Variants in RHOBTB1 observed in about 807,000 individuals in gnomAD.
RHOBTB1 encodes the protein Rho related BTB domain containing 1.
In RHOBTB1, 40 loss-of-function variants were observed where a neutral mutation model predicts 71.6. The observed-to-expected ratio is 0.56, with a 90% CI of 0.43 to 0.73. RHOBTB1 has a LOEUF of 0.73. Among genes scored for constraint, RHOBTB1 ranks in the 30% least tolerant of loss-of-function variants. The pLI is 0.00. For missense variants in RHOBTB1, 797 were observed against 894.0 expected, an observed-to-expected ratio of 0.89 and a Z score of 1.38; for synonymous variants, 319 against 334.9, an observed-to-expected ratio of 0.95 and a Z score of 0.52.
At chr10:60,864,620 C>G (rs1589128934), downstream of RHOBTB1, among the ~76,000 whole-genome samples, 1 of 151,390 alleles carries the variant, frequency 6.6e-6, no homozygotes, top group Admixed American at 6.6e-5. Context: ...CTTTTTTTTT[C>G]TTTTTTGGAT....
At chr10:60,944,228 C>G (rs1487377283), upstream of RHOBTB1, 1 of 152,144 alleles carries the variant, frequency 6.6e-6, no homozygotes, top group Non-Finnish European at 1.5e-5. Context: ...GCAGCCCTCC[C>G]CTTCGCCTGC....
chr10:60,894,592 G>T (rs1409390251), intron 4 of RHOBTB1, among the ~76,000 whole-genome samples: 14 of 152,048 alleles, frequency 9.2e-5, no homozygotes, highest in Non-Finnish European at 1.5e-5. Flanking sequence ...CATTTTTTAT[G>T]GGCTGAGTTT....
chr10:60,955,818 T>C (rs2085572286), intron 2 of RHOBTB1, among the ~76,000 whole-genome samples: 1 of 152,214 alleles, frequency 6.6e-6, no homozygotes, highest in South Asian at 2.1e-4. Context: ...AACATATCAC[T>C]ATCTTGAAAA....
upstream of RHOBTB1, among the ~76,000 whole-genome samples, chr10:60,946,489 G>A (rs2085241662): frequency 6.6e-6 from 1 of 152,160 alleles, no homozygotes; most frequent in Admixed American, 6.5e-5. Flanking sequence ...AACAACTGAT[G>A]AGGCAGATGC....
upstream of RHOBTB1, among the ~76,000 whole-genome samples, chr10:60,946,839 G>A (rs541999281): frequency 3.3e-5 from 5 of 152,280 alleles, no homozygotes; most frequent in African/African-American, 1.2e-4. Flanking sequence ...TTCTAAAGGG[G>A]ATAAAGAACA....
rs538174716 is a variant in RHOBTB1 at position 60,922,098 on chromosome 10, A to T, written c.-10-10546T>A. 5.9e-5 allele frequency among the ~76,000 whole-genome samples: 9 copies of T among 152,338 alleles called. No individual in the cohort carries two copies. The East Asian group carries it at 7.7e-4, about 13-fold the overall frequency. On this transcript the variant is annotated intron_variant, in intron 2 of 10. Transcript: ENST00000337910. ...ATTTATAAATGTTAATAATATTTATATATAAGGGTCTCATAAAGTTCTCAT... is the reference window on the plus strand; with the variant it reads ...ATTTATAAATGTTAATAATATTTATTTATAAGGGTCTCATAAAGTTCTCAT...
chr10:60,967,481 G>C (rs908555832), intron 2 of RHOBTB1, among the ~76,000 whole-genome samples: 4 of 151,830 alleles, frequency 2.6e-5, no homozygotes, highest in Admixed American at 6.6e-5. Flanking sequence ...CAGGTTCAAG[G>C]AACACATTGT....
chr10:60,964,323 C>T (rs1189728765), intron 2 of RHOBTB1, among the ~76,000 whole-genome samples: 3 of 151,974 alleles, frequency 2.0e-5, no homozygotes, highest in African/African-American at 7.3e-5. Context: ...TAAACGCTCT[C>T]CTGGGTTTTG....
chr10:60,934,416 A>G (rs1445502842), intron 2 of RHOBTB1, among the ~76,000 whole-genome samples: 2 of 152,208 alleles, frequency 1.3e-5, no homozygotes, highest in African/African-American at 4.8e-5. Flanking sequence ...TCAGCATAGA[A>G]CAATGCAACA....
intron 2 of RHOBTB1, among the ~76,000 whole-genome samples, chr10:60,957,811 T>C (rs893820427): frequency 2.0e-5 from 3 of 152,208 alleles, no homozygotes; most frequent in African/African-American, 7.2e-5. Context: ...CTTTTCCCAC[T>C]GTATCTCCTT....
chr10:60,870,070 T>G lies in RHOBTB1; in HGVS notation c.*1412A>C, dbSNP rs928790753. ...TTGGTAATTTGACCTCCCAACAGAA[T>G]GAGCCCCACCCCCTGCCACATTAAC... On this transcript the variant is annotated 3_prime_UTR_variant, in exon 11 of 11. Coordinates refer to ENST00000337910, the MANE Select transcript of RHOBTB1 (RefSeq NM_014836.5). The G allele has an allele frequency of 6.6e-6, 1 of 152,560 alleles. No homozygotes were observed. Among genetic ancestry groups the G allele is most frequent in the Non-Finnish European group, 1.5e-5 (1 of 68,032 alleles). The allele number at this position is 152,560 out of a possible 1,614,324, so 9.5% of individuals were successfully genotyped here. A position where few individuals can be genotyped will look rare whatever the true frequency, so the allele number is the denominator to read the frequency against.
chr10:60,862,011 C>G, the RHOBTB1 span, among the ~76,000 whole-genome samples: 1 of 152,082 alleles, frequency 6.6e-6, no homozygotes. Flanking sequence ...TTTATTAAAA[C>G]TAGGAGTCAG....
intron 2 of RHOBTB1, among the ~76,000 whole-genome samples, chr10:60,969,929 T>C (rs1315335655): frequency 1.3e-5 from 2 of 152,116 alleles, no homozygotes; most frequent in Non-Finnish European, 2.9e-5. Flanking sequence ...GAGAAGACTA[T>C]AGGACTTCAA....
chr10:60,883,455 C>G (rs1233645121), intron 7 of RHOBTB1, among the ~76,000 whole-genome samples: 1 of 152,206 alleles, frequency 6.6e-6, no homozygotes, highest in Non-Finnish European at 1.5e-5. Context: ...GTGAGGTCAG[C>G]TCTGACAGTG....
At chr10:60,915,825 C>A (rs2083242761) in intron 2 of RHOBTB1, among the ~76,000 whole-genome samples, 1 of 152,196 alleles carries the variant, frequency 6.6e-6, no homozygotes, top group Non-Finnish European at 1.5e-5. Context: ...TCCCTGCCCA[C>A]ACAGCGTTCT....
At chr10:60,917,257 C>T (rs1398727134) in intron 2 of RHOBTB1, among the ~76,000 whole-genome samples, 2 of 152,200 alleles carry the variant, frequency 1.3e-5, no homozygotes. Context: ...CTTGCCAACT[C>T]TCCTCCATTC....
In RHOBTB1 at chr10:60,965,148, C is replaced by T. The variant is rs115730426; in HGVS notation, c.-62+20697G>A. Among the ~76,000 whole-genome samples the T allele has an allele frequency of 5.7e-3, 872 of 152,146 alleles. 4 individuals are homozygous for T. Among genetic ancestry groups the T allele is most frequent in the African/African-American group, 0.02 (848 of 41,510 alleles). ...TAGGGGTTGTACATATACAAAGAAA[C>T]TTACCATTCAGTAGAGAAGACAAAT... On this transcript the variant is annotated intron_variant, in intron 2 of 11. Transcript: ENST00000357917.
chr10:60,950,492 G>A (rs955020938), intron 2 of RHOBTB1, among the ~76,000 whole-genome samples: 1 of 152,080 alleles, frequency 6.6e-6, no homozygotes, highest in African/African-American at 2.4e-5. Context: ...ACGAAACAAA[G>A]ATTAAAGGGA....
At chr10:60,981,247 C>T (rs1206486987) in intron 2 of RHOBTB1, among the ~76,000 whole-genome samples, 1 of 152,024 alleles carries the variant, frequency 6.6e-6, no homozygotes, top group Non-Finnish European at 1.5e-5. Flanking sequence ...ATTAGAACTC[C>T]AAGGCAATGC....
Sources: gnomAD v4.1 joint callset for allele counts (sites outside exome capture counted in the v4.1 genomes callset) on GRCh38, gnomAD v4.1.1 for gene constraint, MANE v1.5 for transcripts, NCBI Gene and HGNC (gene_info 2026-07-23, HGNC 2026-07-21) for gene names.